THSD4: variants seen among roughly 807,000 people sequenced by gnomAD.
The protein encoded by THSD4 is thrombospondin type-1 domain-containing protein 4.
THSD4 carries 69 observed loss-of-function variants against 119.0 expected under a neutral mutation model. The observed-to-expected ratio is 0.58, with a 90% CI of 0.48 to 0.71. The LOEUF (loss-of-function observed/expected upper bound fraction) is 0.71, where lower values mean the gene tolerates loss of function less well. Ranked by LOEUF, THSD4 falls within the 30% of genes least tolerant of loss-of-function variation. THSD4 has a pLI of 0.00. For synonymous variants in THSD4, 524 were observed against 540.4 expected (o/e 0.97, Z 0.42); for missense variants, 1,393 against 1,391.1 (o/e 1.00, Z -0.02).
At chr15:71,595,890 T>C (rs2049898866) in intron 7 of THSD4, among the ~76,000 whole-genome samples, 1 of 152,226 alleles carries the variant, frequency 6.6e-6, no homozygotes, top group African/African-American at 2.4e-5. Flanking sequence ...AGAAAGGGAC[T>C]TGTGTCTGTG....
At chr15:71,172,700 T>TATATATGTGAC in intron 3 of THSD4, among the ~76,000 whole-genome samples, 1 of 98,742 alleles carries the variant, frequency 1.0e-5, no homozygotes, top group South Asian at 3.1e-4. Flanking sequence ...TATATATATA[T>TATATATGTGAC]ATATATATAT....
At chr15:71,360,443 A>G (rs1216554622) in intron 6 of THSD4, among the ~76,000 whole-genome samples, 1 of 152,194 alleles carries the variant, frequency 6.6e-6, no homozygotes, top group East Asian at 1.9e-4. Flanking sequence ...CAGCGTATGC[A>G]TACAGTGAGG....
intron 3 of THSD4, among the ~76,000 whole-genome samples, chr15:71,159,561 A>G (rs2043231015): frequency 6.6e-6 from 1 of 152,022 alleles, no homozygotes; most frequent in African/African-American, 2.4e-5. Context: ...TTGTTAATGT[A>G]ATTATTTTCT....
chr15:71,403,362 A>G (rs1213260335), intron 6 of THSD4, among the ~76,000 whole-genome samples: 1 of 152,208 alleles, frequency 6.6e-6, no homozygotes, highest in Non-Finnish European at 1.5e-5. Flanking sequence ...GCTATGCCTC[A>G]AAAATTATAA....
intron 3 of THSD4, among the ~76,000 whole-genome samples, chr15:71,209,354 T>C (rs559254258): frequency 6.8e-4 from 103 of 152,342 alleles, no homozygotes; most frequent in Non-Finnish European, 1.1e-3. Context: ...ACACGGACAC[T>C]CTGAACCTCA....
chr15:71,114,480 C>A (rs1383181183), upstream of THSD4, among the ~76,000 whole-genome samples: 1 of 152,182 alleles, frequency 6.6e-6, no homozygotes, highest in Non-Finnish European at 1.5e-5. Flanking sequence ...ATATTTGTCA[C>A]CCCCTCCCTG....
At position 71,471,148 on chromosome 15, in the gene THSD4, G is replaced by A. The variant is rs191588706; in HGVS notation, c.1152+59325G>A. 1.2e-3 allele frequency among the ~76,000 whole-genome samples: 184 copies of A among 152,232 alleles called. 1 individual carries two copies. Among genetic ancestry groups the A allele is most frequent in the African/African-American group, 4.0e-3 (166 of 41,534 alleles). On this transcript the variant is annotated intron_variant, in intron 7 of 17. Coordinates refer to ENST00000261862, the MANE Select transcript of THSD4 (RefSeq NM_024817.3). ...GTGCTGTGGGCCTCAGGACTTTGCT[G>A]CTCTCCTCCCATCCAGTCCCAGGCT...
intron 4 of THSD4, among the ~76,000 whole-genome samples, chr15:71,237,062 G>T (rs542889605): frequency 1.0e-3 from 154 of 152,302 alleles, no homozygotes; most frequent in African/African-American, 3.6e-3. Context: ...GGTACAAGTG[G>T]TGTGGGTGGT....
intron 1 of THSD4, among the ~76,000 whole-genome samples, chr15:71,134,679 T>G (rs535678146): frequency 1.3e-3 from 193 of 152,344 alleles, no homozygotes; most frequent in Admixed American, 2.4e-3. Flanking sequence ...TTTAAGAAGC[T>G]TCCCTGAGGA....
chr15:71,687,769 A>AAACC (rs756124828), intron 8 of THSD4, among the ~76,000 whole-genome samples: 1 of 56,112 alleles, frequency 1.8e-5, no homozygotes, highest in Non-Finnish European at 5.5e-5. Flanking sequence ...AAAAAAAAAA[A>AAACC]AAACAAACCA....
chr15:71,220,367 C>T (rs568316430), intron 4 of THSD4, among the ~76,000 whole-genome samples: 2 of 152,286 alleles, frequency 1.3e-5, no homozygotes, highest in South Asian at 4.2e-4. Context: ...TTAAAACAAG[C>T]ACATACGTAG....
chr15:71,390,475 T>C (rs1225217632), intron 6 of THSD4, among the ~76,000 whole-genome samples: 1 of 152,220 alleles, frequency 6.6e-6, no homozygotes, highest in African/African-American at 2.4e-5. Flanking sequence ...CAAGTTTGAC[T>C]TTCCTTTACA....
chr15:71,325,358 G>T (rs1258790720), intron 6 of THSD4, among the ~76,000 whole-genome samples: 1 of 152,122 alleles, frequency 6.6e-6, no homozygotes, highest in African/African-American at 2.4e-5. Context: ...CAGTTCAACA[G>T]TCTCTGAGTA....
At chr15:71,139,651 G>A (rs1465613363) in intron 1 of THSD4, among the ~76,000 whole-genome samples, 1 of 152,224 alleles carries the variant, frequency 6.6e-6, no homozygotes, top group Non-Finnish European at 1.5e-5. Context: ...GAAAGGGCCT[G>A]TGGTAACTTA....
chr15:71,542,666 A>G (rs2048775267), intron 7 of THSD4, among the ~76,000 whole-genome samples: 6 of 152,136 alleles, frequency 3.9e-5, no homozygotes. Flanking sequence ...TCATGAGGTC[A>G]GGAGATGGAG....
At chr15:71,508,498 C>T (rs1294635299) in intron 7 of THSD4, among the ~76,000 whole-genome samples, 2 of 152,296 alleles carry the variant, frequency 1.3e-5, no homozygotes, top group East Asian at 3.9e-4. Context: ...GGGCCAAAGT[C>T]ACCGCACTGA....
At chr15:71,257,370 A>G (rs2044330624) in intron 6 of THSD4, among the ~76,000 whole-genome samples, 1 of 152,102 alleles carries the variant, frequency 6.6e-6, no homozygotes, top group African/African-American at 2.4e-5. Context: ...CCCTGGAGAA[A>G]GTGGGCTCAG....
chr15:71,642,957 A>T (rs1457274382), intron 7 of THSD4, among the ~76,000 whole-genome samples: 2 of 152,062 alleles, frequency 1.3e-5, no homozygotes, highest in Non-Finnish European at 2.9e-5. Context: ...TAATAATAAT[A>T]AAAAAATAAA....
chr15:71,314,055 G>A (rs2045152074), intron 6 of THSD4, among the ~76,000 whole-genome samples: 1 of 152,154 alleles, frequency 6.6e-6, no homozygotes, highest in Admixed American at 6.5e-5. Flanking sequence ...TGAAAGTCCT[G>A]CGGCTTTTCT....
Sources: allele counts gnomAD v4.1 joint callset (sites outside exome capture counted in the v4.1 genomes callset), GRCh38; gene constraint gnomAD v4.1.1; transcripts MANE v1.5; gene names NCBI Gene and HGNC (gene_info 2026-07-23, HGNC 2026-07-21).